DAB1: variants seen among roughly 807,000 people sequenced by gnomAD.
DAB1 encodes the protein DAB adaptor protein 1.
In DAB1, 15 loss-of-function variants were observed where a neutral mutation model predicts 64.6. That is an observed-to-expected ratio of 0.23 (90% CI 0.16 to 0.36). The LOEUF (loss-of-function observed/expected upper bound fraction) is 0.36, where lower values mean the gene tolerates loss of function less well. Ranked by LOEUF, DAB1 falls within the 10% of genes least tolerant of loss-of-function variation. The probability of loss-of-function intolerance (pLI) is 1.00; values close to 1 mark genes in which losing one functional copy is unlikely to be tolerated. For missense variants in DAB1, 596 were observed against 706.7 expected, an observed-to-expected ratio of 0.84 and a Z score of 1.78; for synonymous variants, 235 against 251.9, an observed-to-expected ratio of 0.93 and a Z score of 0.64.
At chr1:58,134,628 C>A (rs141653188) in intron 5 of DAB1, among the ~76,000 whole-genome samples, 2 of 152,178 alleles carry the variant, frequency 1.3e-5, no homozygotes, top group East Asian at 3.8e-4. Flanking sequence ...GAGAAGCAGG[C>A]ACATTTCACA....
At chr1:58,412,762 C>T (rs1017060286) in intron 3 of DAB1, among the ~76,000 whole-genome samples, 2 of 152,210 alleles carry the variant, frequency 1.3e-5, no homozygotes, top group African/African-American at 2.4e-5. Context: ...GAGCACTGGA[C>T]AGGAGGATTC....
chr1:57,561,506 T>A (rs893388247), intron 7 of DAB1, among the ~76,000 whole-genome samples: 1 of 152,218 alleles, frequency 6.6e-6, no homozygotes, highest in Admixed American at 6.5e-5. Context: ...GGAAGAGGTA[T>A]ACAGATAGAC....
chr1:57,945,113 A>C (rs1009411824), intron 5 of DAB1, among the ~76,000 whole-genome samples: 3 of 152,142 alleles, frequency 2.0e-5, no homozygotes, highest in Non-Finnish European at 4.4e-5. Flanking sequence ...TAGTTATACA[A>C]AACCGGCGAT....
intron 4 of DAB1, among the ~76,000 whole-genome samples, chr1:58,235,515 T>C (rs912337461): frequency 6.6e-6 from 1 of 152,158 alleles, no homozygotes; most frequent in African/African-American, 2.4e-5. Flanking sequence ...TGAACCCTAG[T>C]TTTGGTTATA....
intron 4 of DAB1, among the ~76,000 whole-genome samples, chr1:58,156,922 T>C (rs1655259106): frequency 6.6e-6 from 1 of 152,150 alleles, no homozygotes; most frequent in Non-Finnish European, 1.5e-5. Flanking sequence ...AGCACAGCCA[T>C]TTATCTTCTT....
chr1:58,508,970 A>G (rs1321493092), intron 2 of DAB1, among the ~76,000 whole-genome samples: 1 of 152,134 alleles, frequency 6.6e-6, no homozygotes, highest in African/African-American at 2.4e-5. Flanking sequence ...GATGGACCAG[A>G]CAGGACCCTA....
intron 1 of DAB1, among the ~76,000 whole-genome samples, chr1:57,855,868 G>A (rs571448140): frequency 1.3e-5 from 2 of 152,238 alleles, no homozygotes; most frequent in Admixed American, 1.3e-4. Flanking sequence ...CCAACTGCAG[G>A]TTGACAAGGG....
Position 57,050,710 on chromosome 1 carries a change from T to C in DAB1, c.723+12174A>G, listed in dbSNP as rs183057268. ...CTCATAGCATCTTGTACACAGCCTC[T>C]CACACCCTTGATTATATGAATCACA... On this transcript the variant is annotated intron_variant, in intron 9 of 14. Transcript: ENST00000371236. Among the ~76,000 whole-genome samples, 8 of 152,312 alleles carry C rather than the reference T, an allele frequency of 5.3e-5. No individual in the cohort carries two copies. The East Asian group carries it at 1.5e-3, about 29-fold the overall frequency.
chr1:57,533,565 A>G (rs992024404), intron 7 of DAB1, among the ~76,000 whole-genome samples: 11 of 113,962 alleles, frequency 9.7e-5, no homozygotes, highest in Non-Finnish European at 1.7e-4. Flanking sequence ...ATATATATAT[A>G]TGTATATATG....
intron 5 of DAB1, among the ~76,000 whole-genome samples, chr1:58,134,360 T>C (rs775957630): frequency 1.3e-5 from 2 of 152,116 alleles, no homozygotes; most frequent in Non-Finnish European, 2.9e-5. Flanking sequence ...AAGCCACCAA[T>C]CCCATATATG....
intron 1 of DAB1, among the ~76,000 whole-genome samples, chr1:57,313,100 G>A (rs1674872135): frequency 6.6e-6 from 1 of 152,160 alleles, no homozygotes. Context: ...AGGATGCAGT[G>A]CCCCAGTTTT....
chr1:57,905,283 T>C (rs1183212009), intron 5 of DAB1, among the ~76,000 whole-genome samples: 1 of 151,826 alleles, frequency 6.6e-6, no homozygotes, highest in Non-Finnish European at 1.5e-5. Context: ...CACGCTTTCT[T>C]CTGTAGCAGA....
At chr1:57,946,719 T>G (rs2100220369) in intron 5 of DAB1, among the ~76,000 whole-genome samples, 1 of 152,354 alleles carries the variant, frequency 6.6e-6, no homozygotes, top group Admixed American at 6.5e-5. Flanking sequence ...GCCCCTCTTC[T>G]TACCCTTTCA....
intron 5 of DAB1, among the ~76,000 whole-genome samples, chr1:58,058,977 T>C (rs1255403222): frequency 6.6e-6 from 1 of 152,212 alleles, no homozygotes; most frequent in African/African-American, 2.4e-5. Flanking sequence ...TCTGTGGCCA[T>C]CTGCTCTACC....
intron 1 of DAB1, among the ~76,000 whole-genome samples, chr1:58,541,289 G>C (rs1557460848): frequency 2.0e-5 from 1 of 49,870 alleles, no homozygotes; most frequent in Non-Finnish European, 3.4e-5. Context: ...GTGAGACTCT[G>C]TCTCAAAAAA....
chr1:58,390,489 G>C (rs1323376685), intron 3 of DAB1, among the ~76,000 whole-genome samples: 1 of 152,164 alleles, frequency 6.6e-6, no homozygotes, highest in Non-Finnish European at 1.5e-5. Flanking sequence ...AACTGACATT[G>C]GCAAGAGGGG....
At chr1:57,007,618 G>C (rs1646122949) in intron 14 of DAB1, among the ~76,000 whole-genome samples, 1 of 152,194 alleles carries the variant, frequency 6.6e-6, no homozygotes, top group Non-Finnish European at 1.5e-5. Flanking sequence ...GAGTCCGTCT[G>C]TTTCCTCTTA....
At chr1:58,267,965 C>T (rs1661213355) in intron 4 of DAB1, among the ~76,000 whole-genome samples, 1 of 152,072 alleles carries the variant, frequency 6.6e-6, no homozygotes, top group East Asian at 1.9e-4. Context: ...TCTGTCTATC[C>T]AATTACTCAC....
intron 7 of DAB1, among the ~76,000 whole-genome samples, chr1:57,516,356 G>T (rs1570589129): frequency 1.5e-5 from 2 of 133,264 alleles, no homozygotes; most frequent in South Asian, 4.4e-4. Flanking sequence ...AGAAGGAAAA[G>T]AAGATTATAC....
Sources: allele counts gnomAD v4.1 joint callset (sites outside exome capture counted in the v4.1 genomes callset), GRCh38; gene constraint gnomAD v4.1.1; transcripts MANE v1.5; gene names NCBI Gene and HGNC (gene_info 2026-07-23, HGNC 2026-07-21).